UGGT1: variants seen among roughly 807,000 people sequenced by gnomAD.
UGGT1 encodes UDP-glucose:glycoprotein glucosyltransferase 1.
Under a neutral mutation model 203.9 loss-of-function variants are expected in UGGT1, and 107 were observed. That is an observed-to-expected ratio of 0.52 (90% confidence interval 0.45 to 0.62). UGGT1 has a LOEUF of 0.62. Among genes scored for constraint, UGGT1 ranks in the 20% least tolerant of loss-of-function variants. The probability of loss-of-function intolerance (pLI) is 0.00; values close to 1 mark genes in which losing one functional copy is unlikely to be tolerated. For synonymous variants in UGGT1, 628 were observed against 653.5 expected (o/e 0.96, Z 0.59); for missense variants, 1,673 against 1,867.2 (o/e 0.90, Z 1.92).
intron 40 of UGGT1, among the ~76,000 whole-genome samples, chr2:128,187,904 A>G (rs961902257): frequency 1.3e-5 from 2 of 151,566 alleles, no homozygotes; most frequent in African/African-American, 4.8e-5. Flanking sequence ...TTTGTGATAC[A>G]TAAACCAAAC....
chr2:128,162,274 C>T (rs1433751358), intron 25 of UGGT1, among the ~76,000 whole-genome samples: 1 of 148,010 alleles, frequency 6.8e-6, no homozygotes, highest in Non-Finnish European at 1.5e-5. Flanking sequence ...ATGTCACTTT[C>T]TTACTAGATA....
chr2:128,119,363 G>A (rs977623071), intron 8 of UGGT1, among the ~76,000 whole-genome samples: 1 of 151,976 alleles, frequency 6.6e-6, no homozygotes, highest in African/African-American at 2.4e-5. Flanking sequence ...AGGCTGAGGC[G>A]GGCGGATCAC....
At chr2:128,152,392 C>A (rs1004615518) in intron 18 of UGGT1, among the ~76,000 whole-genome samples, 1 of 152,210 alleles carries the variant, frequency 6.6e-6, no homozygotes, top group Non-Finnish European at 1.5e-5. Flanking sequence ...CTCATAACCT[C>A]AAGTGATCTG....
chr2:128,153,397 T>G (rs1690073720), intron 19 of UGGT1, among the ~76,000 whole-genome samples: 1 of 151,982 alleles, frequency 6.6e-6, no homozygotes, highest in Non-Finnish European at 1.5e-5. Flanking sequence ...TCAATGGTTT[T>G]TTTAATGAAA....
chr2:128,132,044 T>A (rs1373262447), intron 13 of UGGT1, among the ~76,000 whole-genome samples: 1 of 152,208 alleles, frequency 6.6e-6, no homozygotes, highest in African/African-American at 2.4e-5. Context: ...TTGCTCTATA[T>A]CTTTTCCTAT....
intron 15 of UGGT1, 71 bp downstream of exon 15, chr2:128,135,032 T>C (rs1573550269): frequency 1.5e-6 from 2 of 1,320,264 alleles, no homozygotes; most frequent in East Asian, 4.7e-5. Context: ...TAAATGCAAG[T>C]CTGGTGCTAC....
In UGGT1 at chr2:128,129,057, C is replaced by G; in HGVS notation, c.1255C>G (p.Arg419Gly). Residue 419 changes from arginine to glycine, a missense_variant, in exon 13 of 41, where the codon CGG (arginine) becomes GGG (glycine). By Grantham distance (125) the Arg-to-Gly change is moderately radical (BLOSUM62 -2). Transcript: ENST00000259253. ...GTTTGATGTGTTGAGGAATGAAGCT[C>G]GGGTAATGGAGGGTCTGCATAGATT... ...SLFDVLRNEARVMEGLHRLGI... is the reference protein window; with the variant it reads ...SLFDVLRNEAGVMEGLHRLGI... The G allele has an allele frequency of 6.2e-7, 1 of 1,610,206 alleles. No homozygotes were observed.
rs954779065 is a variant in UGGT1, at chr2:128,109,648, A to C, written c.423A>C (p.Glu141Asp). 6 of 1,613,884 alleles carry C rather than the reference A, an allele frequency of 3.7e-6. No individual in the cohort carries two copies. The highest frequency in any genetic ancestry group is 5.1e-6 in the Non-Finnish European group (6 of 1,179,958). The change falls in exon 5 of 41, where the codon GAA becomes GAC. Residue 141 changes from glutamate (E) to aspartate (D), a missense_variant. Glu to Asp is a conservative substitution (Grantham distance 45). Around this residue, in one of 4 missense-constraint regions of UGGT1, gnomAD observed 1,073 missense variants for 1,078.7 expected, o/e 0.99. Coordinates refer to ENST00000259253, the MANE Select transcript of UGGT1 (RefSeq NM_020120.4). ...TTATGTGACAGATAGCAGCTGATGA[A>C]CCTCCACCAGAAGGATGTAATTCGT... ...IQAFQQIAAD[E>D]PPPEGCNSFF... is the part of the protein sequence containing the mutation.
chr2:128,168,730 C>T (rs1558813988), intron 26 of UGGT1, among the ~76,000 whole-genome samples: 1 of 152,116 alleles, frequency 6.6e-6, no homozygotes, highest in Non-Finnish European at 1.5e-5. Flanking sequence ...GTCCATGCAA[C>T]AGGAAGTTAC....
At chr2:128,141,610 A>G (rs1282033592) in intron 16 of UGGT1, among the ~76,000 whole-genome samples, 1 of 151,792 alleles carries the variant, frequency 6.6e-6, no homozygotes, top group Non-Finnish European at 1.5e-5. Context: ...ATCTCAAAAA[A>G]CAAAACAAAA....
In UGGT1 at chr2:128,170,287, G is replaced by A; in HGVS notation, c.2922-1G>A. The A allele has an allele frequency of 6.2e-7, 1 of 1,614,014 alleles. No individual in the cohort carries two copies. The highest frequency in any genetic ancestry group is 8.5e-7 in the Non-Finnish European group (1 of 1,179,874). On this transcript the variant is annotated splice_acceptor_variant, in intron 26 of 40. Coordinates refer to ENST00000259253, the MANE Select transcript of UGGT1 (RefSeq NM_020120.4). LOFTEE classifies it high-confidence loss of function. ...AATGTTTTATCCTTGTGATCTTTCA[G>A]TGCAATCAAACTGAGGCCGAAGGAA...
chr2:128,103,896 T>A (rs1687491966), intron 2 of UGGT1, 36 bp from the exon 3 acceptor site: 4 of 1,501,338 alleles, frequency 2.7e-6, no homozygotes, highest in Admixed American at 2.2e-5. Context: ...TTAGAAAATT[T>A]TATTAAGTTG....
chr2:128,114,628 C>T (rs1381269818), intron 6 of UGGT1, among the ~76,000 whole-genome samples: 1 of 152,170 alleles, frequency 6.6e-6, no homozygotes, highest in Non-Finnish European at 1.5e-5. Context: ...TCCCATGGGC[C>T]TCAAAAAACA....
chr2:128,123,283 T>A, intron 11 of UGGT1, 37 bp downstream of exon 11: 1 of 1,568,242 alleles, frequency 6.4e-7, no homozygotes. Flanking sequence ...TGTTTTGTAT[T>A]CTATCTTTAA....
chr2:128,157,800 A>G (rs188426240), intron 22 of UGGT1, among the ~76,000 whole-genome samples: 41 of 152,320 alleles, frequency 2.7e-4, no homozygotes, highest in African/African-American at 9.6e-4. Context: ...TGTTCTGAAA[A>G]GATATGCTGC....
At chr2:128,163,959 G>T (rs1573601236) in intron 25 of UGGT1, among the ~76,000 whole-genome samples, 1 of 152,130 alleles carries the variant, frequency 6.6e-6, no homozygotes, top group Non-Finnish European at 1.5e-5. Context: ...TGGGCAGATT[G>T]TGTGAGCCCA....
intron 5 of UGGT1, among the ~76,000 whole-genome samples, chr2:128,110,988 T>C (rs560954109): frequency 1.1e-4 from 17 of 152,326 alleles, no homozygotes; most frequent in African/African-American, 4.1e-4. Flanking sequence ...GTCTGTGCAT[T>C]AAGATCTGTT....
chr2:128,116,478 C>T (rs1688105631), intron 8 of UGGT1, 135 bp downstream of exon 8: 1 of 584,810 alleles, frequency 1.7e-6, no homozygotes, highest in Non-Finnish European at 3.1e-6. Flanking sequence ...GTATGCAATC[C>T]TACGTGGAGA....
In UGGT1 at chr2:128,107,905, G is replaced by T. The variant is rs528583980; in HGVS notation, c.278-33G>T. 3.7e-6 allele frequency: 6 copies of T among 1,613,030 alleles called. No individual in the cohort carries two copies. In the South Asian group the frequency reaches 6.6e-5, roughly 18 times the overall value. Reference sequence around the variant, plus strand: ...CTTCTTTAGATATCTCTAGTCATACGCAATTACTTTGGTTAATGTTCTTCC... The same window carrying T: ...CTTCTTTAGATATCTCTAGTCATACTCAATTACTTTGGTTAATGTTCTTCC... On this transcript the variant is annotated intron_variant, in intron 3 of 40. Coordinates refer to ENST00000259253, the MANE Select transcript of UGGT1 (RefSeq NM_020120.4).
Sources: gnomAD v4.1 joint callset for allele counts (sites outside exome capture counted in the v4.1 genomes callset) on GRCh38, gnomAD v4.1.1 for gene constraint, gnomAD v4.1.1 regional missense constraint, MANE v1.5 for transcripts, NCBI Gene and HGNC (gene_info 2026-07-23, HGNC 2026-07-21) for gene names.